The following BAZ1A variants were observed in gnomAD, a reference collection of about 807,000 sequenced individuals.
The protein encoded by BAZ1A is bromodomain adjacent to zinc finger domain protein 1A.
Under a neutral mutation model 185.2 loss-of-function variants are expected in BAZ1A, and 50 were observed. The observed-to-expected ratio is 0.27, with a 90% CI of 0.22 to 0.34. BAZ1A has a LOEUF of 0.34. Among genes scored for constraint, BAZ1A ranks in the 10% least tolerant of loss-of-function variants. The probability of loss-of-function intolerance (pLI) is 1.00; values close to 1 mark genes in which losing one functional copy is unlikely to be tolerated. For synonymous variants in BAZ1A, 571 were observed against 615.6 expected, an observed-to-expected ratio of 0.93 and a Z score of 1.07; for missense variants, 1,356 against 1,839.9, an observed-to-expected ratio of 0.74 and a Z score of 4.81.
chr14:34,814,315 C>A (rs2041974284), intron 4 of BAZ1A, among the ~76,000 whole-genome samples: 1 of 151,230 alleles, frequency 6.6e-6, no homozygotes, highest in South Asian at 2.1e-4. Flanking sequence ...TTTTATATAA[C>A]CAATTAAATA....
At chr14:34,872,482 T>C (rs1237982283) in intron 2 of BAZ1A, among the ~76,000 whole-genome samples, 1 of 112,098 alleles carries the variant, frequency 8.9e-6, no homozygotes, top group Non-Finnish European at 2.0e-5. Flanking sequence ...AATCCCACAC[T>C]CAGGAGGCTA....
intron 2 of BAZ1A, among the ~76,000 whole-genome samples, chr14:34,866,757 C>T (rs1335402317): frequency 1.3e-5 from 2 of 151,888 alleles, no homozygotes; most frequent in African/African-American, 4.8e-5. Flanking sequence ...GAAAATTATA[C>T]TTCAAATCTA....
intron 10 of BAZ1A, 128 bp downstream of exon 10, chr14:34,795,542 A>AC (rs1260610868): frequency 1.8e-6 from 1 of 564,512 alleles, no homozygotes; most frequent in Non-Finnish European, 2.9e-6. Flanking sequence ...CATTTGCTTA[A>AC]CTAGCTATTT....
At chr14:34,809,711 A>G (rs1594862459) in intron 5 of BAZ1A, among the ~76,000 whole-genome samples, 1 of 152,182 alleles carries the variant, frequency 6.6e-6, no homozygotes, top group East Asian at 1.9e-4. Context: ...GGCTGTAACC[A>G]TGGCCTAGCA....
intron 23 of BAZ1A, among the ~76,000 whole-genome samples, chr14:34,763,967 C>T (rs1878622714): frequency 6.6e-6 from 1 of 152,018 alleles, no homozygotes. Flanking sequence ...TCTAAATATC[C>T]CTTTATTTCG....
intron 2 of BAZ1A, among the ~76,000 whole-genome samples, chr14:34,865,514 A>T (rs1338148593): frequency 6.6e-6 from 1 of 152,074 alleles, no homozygotes; most frequent in Non-Finnish European, 1.5e-5. Flanking sequence ...TATTAGTTTG[A>T]TCTCCAAAAA....
intron 3 of BAZ1A, among the ~76,000 whole-genome samples, chr14:34,832,215 C>CACACACACACACAT: frequency 1.1e-5 from 1 of 89,668 alleles, no homozygotes; most frequent in African/African-American, 3.7e-5. Context: ...CACACACACA[C>CACACACACACACAT]ATATATATAT....
intron 9 of BAZ1A, among the ~76,000 whole-genome samples, chr14:34,799,519 A>G (rs529079225): frequency 4.7e-4 from 72 of 152,308 alleles, no homozygotes; most frequent in Non-Finnish European, 7.6e-4. Context: ...CAGCTATAGA[A>G]TTCTCTAAGG....
intron 9 of BAZ1A, among the ~76,000 whole-genome samples, chr14:34,796,906 T>C (rs911210274): frequency 2.6e-5 from 4 of 152,256 alleles, no homozygotes; most frequent in African/African-American, 9.6e-5. Flanking sequence ...TTCTAATTCA[T>C]TGTTGCTAAC....
At chr14:34,852,105 C>T (rs112559498) in intron 3 of BAZ1A, among the ~76,000 whole-genome samples, 199 of 150,170 alleles carry the variant, frequency 1.3e-3, no homozygotes, top group African/African-American at 4.7e-3. Context: ...CCAGCCTGGG[C>T]GACAGAGCTA....
At chr14:34,817,015 TA>T (rs199636842) in intron 4 of BAZ1A, among the ~76,000 whole-genome samples, 7 of 148,966 alleles carry the variant, frequency 4.7e-5, no homozygotes, top group Admixed American at 2.0e-4. Flanking sequence ...ACATTAAGAG[TA>T]AAAAAAAAAT....
Position 34,783,785 on chromosome 14 carries a change from T to G in BAZ1A, c.1974A>C (p.Lys658Asn), listed in dbSNP as rs768298127. 1 of 1,611,122 alleles carries G rather than the reference T, an allele frequency of 6.2e-7. No individual in the cohort carries two copies. The highest frequency in any genetic ancestry group is 1.1e-5 in the South Asian group (1 of 90,192). The change falls in exon 15 of 27, where the codon AAA becomes AAC. Residue 658 changes from lysine (K) to asparagine (N), a missense_variant. Transcript: ENST00000360310. ...ACCTGGCAGCTGCTTCTTCCCTCTC[T>G]TTTCGATGTTGTTCTGCTTTTAATT... ...FRELKAEQHRKEREEAAARIR... is the reference protein window; with the variant it reads ...FRELKAEQHRNEREEAAARIR...
At chr14:34,754,708 C>T (rs116173267) in intron 26 of BAZ1A, 119 bp downstream of exon 26, 15,936 of 622,884 alleles carry the variant, frequency 0.026, 279 homozygotes, top group South Asian at 0.043. Flanking sequence ...TACATCAACA[C>T]ACATCCTTTT....
At chr14:34,820,379 C>A (rs909281230) in intron 4 of BAZ1A, among the ~76,000 whole-genome samples, 3 of 152,040 alleles carry the variant, frequency 2.0e-5, no homozygotes, top group Non-Finnish European at 4.4e-5. Context: ...CAATCCACCC[C>A]CCTTGGCCTC....
At chr14:34,766,180 G>T (rs907526607) in intron 21 of BAZ1A, among the ~76,000 whole-genome samples, 1 of 152,058 alleles carries the variant, frequency 6.6e-6, no homozygotes, top group Non-Finnish European at 1.5e-5. Context: ...TGCCTCTAAG[G>T]GTTGCTGGAA....
intron 3 of BAZ1A, among the ~76,000 whole-genome samples, chr14:34,850,233 C>G (rs1048027757): frequency 6.6e-6 from 1 of 152,032 alleles, no homozygotes; most frequent in African/African-American, 2.4e-5. Context: ...CAAAAATTAT[C>G]CAGGTGTGGT....
At chr14:34,773,492 T>C in intron 20 of BAZ1A, 80 bp downstream of exon 20, 1 of 1,217,904 alleles carries the variant, frequency 8.2e-7, no homozygotes, top group Non-Finnish European at 1.1e-6. Flanking sequence ...GCAACATATT[T>C]ACTTAAAAAC....
chr14:34,870,911 T>C (rs578060156), intron 2 of BAZ1A, among the ~76,000 whole-genome samples: 18 of 152,320 alleles, frequency 1.2e-4, no homozygotes, highest in Admixed American at 9.2e-4. Context: ...CAGGATGCCT[T>C]GTAAGCTAGT....
At chr14:34,834,587 A>G (rs375357608) in intron 3 of BAZ1A, among the ~76,000 whole-genome samples, 1 of 152,240 alleles carries the variant, frequency 6.6e-6, no homozygotes, top group African/African-American at 2.4e-5. Flanking sequence ...TGTAGTAATT[A>G]TTGTCAATGC....
Sources: gnomAD v4.1 joint callset for allele counts (sites outside exome capture counted in the v4.1 genomes callset) on GRCh38, gnomAD v4.1.1 for gene constraint, MANE v1.5 for transcripts, NCBI Gene and HGNC (gene_info 2026-07-23, HGNC 2026-07-21) for gene names.